Variants in RBM20 observed in about 807,000 individuals in gnomAD.
RBM20 encodes RNA-binding protein 20.
RBM20 carries 51 observed loss-of-function variants against 110.1 expected under a neutral mutation model. That is an observed-to-expected ratio of 0.46 (90% CI 0.37 to 0.59). The LOEUF (loss-of-function observed/expected upper bound fraction) is 0.59. Ranked by LOEUF, RBM20 falls within the 20% of genes least tolerant of loss-of-function variation. RBM20 has a pLI of 0.00. For synonymous variants in RBM20, 589 were observed against 618.2 expected (o/e 0.95, Z 0.70); for missense variants, 1,512 against 1,574.9 (o/e 0.96, Z 0.68).
intron 1 of RBM20, among the ~76,000 whole-genome samples, chr10:110,727,399 C>CAAAA (rs373594637): frequency 1.2e-5 from 1 of 83,240 alleles, no homozygotes; most frequent in African/African-American, 4.4e-5. Context: ...AAGTCCGTCT[C>CAAAA]AAAAAATAAA....
intron 1 of RBM20, among the ~76,000 whole-genome samples, chr10:110,749,631 C>T (rs902147332): frequency 2.6e-5 from 4 of 152,018 alleles, no homozygotes; most frequent in Non-Finnish European, 5.9e-5. Context: ...GGTACATCCA[C>T]AGGTCTGATA....
Position 110,821,828 on chromosome 10 carries a change from G to T in RBM20, c.3209G>T (p.Gly1070Val). 6.4e-7 allele frequency: 1 copy of T among 1,551,722 alleles called. No individual in the cohort carries two copies. The highest frequency in any genetic ancestry group is 8.7e-7 in the Non-Finnish European group (1 of 1,146,986). The change falls in exon 11 of 14, where the codon GGG becomes GTG. Residue 1070 changes from glycine to valine, a missense_variant. Physicochemically the swap from Gly to Val is moderately radical, Grantham distance 109 (BLOSUM62 -3). Transcript: ENST00000369519. ...TTTGTGGATGATTGCAAGACCAGGG[G>T]GACCCCCGAAGATGGGGCTTGTGAA... ...SPFVDDCKTRGTPEDGACEGS... is the reference protein window; with the variant it reads ...SPFVDDCKTRVTPEDGACEGS...
At chr10:110,693,375 G>A (rs1441509412) in intron 1 of RBM20, among the ~76,000 whole-genome samples, 1 of 152,190 alleles carries the variant, frequency 6.6e-6, no homozygotes, top group East Asian at 1.9e-4. Context: ...ATTTACCAGT[G>A]AAGCTATCTG....
intron 1 of RBM20, among the ~76,000 whole-genome samples, chr10:110,742,010 G>C (rs1445959824): frequency 1.3e-5 from 2 of 152,170 alleles, no homozygotes; most frequent in Admixed American, 6.5e-5. Context: ...AAATGTAGTG[G>C]ACTGAAAGTT....
At chr10:110,678,308 C>T (rs1007667736) in intron 1 of RBM20, among the ~76,000 whole-genome samples, 6 of 152,166 alleles carry the variant, frequency 3.9e-5, no homozygotes, top group Non-Finnish European at 7.4e-5. Context: ...AAATACATTA[C>T]TTTGCCATTA....
chr10:110,716,946 A>G (rs984607949), intron 1 of RBM20, among the ~76,000 whole-genome samples: 1 of 151,914 alleles, frequency 6.6e-6, no homozygotes, highest in Non-Finnish European at 1.5e-5. Flanking sequence ...GATTTAAAAC[A>G]TGGAAAATTT....
rs183784110 is a variant in RBM20, at chr10:110,699,528, A to G, written c.191+54883A>G. On this transcript the variant is annotated intron_variant, in intron 1 of 13. Transcript: ENST00000369519. ...CTCAGATGATCTGCCTACCTCAGCC[A>G]CAAAAAGTGCTGAGATTACAGGTGT... is the stretch of plus-strand genomic sequence containing the variant. Among the ~76,000 whole-genome samples, 709 of 152,052 alleles carry G rather than the reference A, an allele frequency of 4.7e-3. 8 individuals carry two copies. The highest frequency in any genetic ancestry group is 6.8e-3 in the South Asian group (33 of 4,826).
chr10:110,747,140 C>T (rs61864289), intron 1 of RBM20, among the ~76,000 whole-genome samples: 2 of 152,044 alleles, frequency 1.3e-5, no homozygotes, highest in African/African-American at 4.8e-5. Context: ...CCTTTCTGTA[C>T]TATTTTTGCA....
At chr10:110,676,440 GA>G (rs551351415) in intron 1 of RBM20, among the ~76,000 whole-genome samples, 1 of 152,054 alleles carries the variant, frequency 6.6e-6, no homozygotes, top group South Asian at 2.1e-4. Flanking sequence ...TGCATAAAAG[GA>G]AAAAAACAGT....
chr10:110,666,146 T>C (rs941583023), intron 1 of RBM20, among the ~76,000 whole-genome samples: 4 of 152,140 alleles, frequency 2.6e-5, no homozygotes, highest in African/African-American at 9.7e-5. Flanking sequence ...ATAAACAAGA[T>C]TGGCCATAGA....
intron 1 of RBM20, among the ~76,000 whole-genome samples, chr10:110,701,089 C>T (rs564422719): frequency 3.9e-5 from 6 of 152,248 alleles, no homozygotes; most frequent in African/African-American, 1.4e-4. Flanking sequence ...GGGAAATTTT[C>T]AGACTCATTG....
chr10:110,811,627 G>A (rs983597247), intron 8 of RBM20, among the ~76,000 whole-genome samples: 3 of 152,276 alleles, frequency 2.0e-5, no homozygotes, highest in East Asian at 1.9e-4. Context: ...CATCTCAGAC[G>A]TGTAGATCAG....
At position 110,644,451 on chromosome 10, in the gene RBM20, C is replaced by A; in HGVS notation, c.-4C>A. 6.7e-7 allele frequency: 1 copy of A among 1,485,270 alleles called. No individual in the cohort carries two copies. The allele number at this position is 1,485,270 out of a possible 1,614,324, so 92.0% of individuals were successfully genotyped here. ...GCCGCGATCCCGGGCGGGTCTCGCC[C>A]CGCATGGTGCTGGCAGCAGCCATGA... On this transcript the variant is annotated 5_prime_UTR_variant, in exon 1 of 14. Transcript: ENST00000369519. The surrounding 1 kb of genome is among the most constrained non-coding windows in gnomAD (Gnocchi z 4.3).
chr10:110,806,511 G>A (rs1264850478), intron 7 of RBM20, among the ~76,000 whole-genome samples: 2 of 152,160 alleles, frequency 1.3e-5, no homozygotes, highest in Non-Finnish European at 2.9e-5. Context: ...TGTCACGAGA[G>A]TAGTACTGGG....
intron 1 of RBM20, among the ~76,000 whole-genome samples, chr10:110,697,174 T>G (rs1862677463): frequency 1.3e-5 from 2 of 152,204 alleles, no homozygotes; most frequent in African/African-American, 4.8e-5. Context: ...GTTGGGGGAT[T>G]TCACACAACA....
chr10:110,821,793 G>T lies in RBM20; in HGVS notation c.3174G>T (p.Gln1058His). 2 of 1,551,776 alleles carry T rather than the reference G, an allele frequency of 1.3e-6. No homozygotes were observed. The highest frequency in any genetic ancestry group is 1.7e-6 in the Non-Finnish European group (2 of 1,147,006). Reference sequence around the variant, plus strand: ...AGCCAGCAGAGGAGAGGGCCCGGCAGCCAAGCCCATTTGTGGATGATTGCA... The same window carrying T: ...AGCCAGCAGAGGAGAGGGCCCGGCATCCAAGCCCATTTGTGGATGATTGCA... ...SPKPAEERAR[Q>H]PSPFVDDCKT... Residue 1058 changes from glutamine (Q) to histidine (H), a missense_variant, in exon 11 of 14, where the codon CAG becomes CAT. By Grantham distance (24) the Gln-to-His change is conservative. Coordinates refer to ENST00000369519, the MANE Select transcript of RBM20 (RefSeq NM_001134363.3).
intron 11 of RBM20, chr10:110,822,468 C>A: frequency 2.2e-6 from 1 of 456,922 alleles, no homozygotes; most frequent in South Asian, 1.5e-5. Context: ...GATATTCTCT[C>A]ACTCCATTGG....
intron 1 of RBM20, among the ~76,000 whole-genome samples, chr10:110,736,857 G>T (rs1644673215): frequency 6.6e-6 from 1 of 152,128 alleles, no homozygotes; most frequent in Non-Finnish European, 1.5e-5. Context: ...AGTCATGAAG[G>T]CATGAGTGGG....
Position 110,772,508 on chromosome 10 carries a change from C to T in RBM20, c.192-8293C>T, listed in dbSNP as rs191441604. Among the ~76,000 whole-genome samples, 610 of 152,310 alleles carry T rather than the reference C, an allele frequency of 4.0e-3. 5 individuals are homozygous for T. Among genetic ancestry groups the T allele is most frequent in the African/African-American group, 0.014 (580 of 41,560 alleles). ...TTTACTGTACTTGTCTAGGTTTAAA[C>T]ATATTTAGATATGCACAAATACTCA... On this transcript the variant is annotated intron_variant, in intron 1 of 13. Coordinates refer to ENST00000369519, the MANE Select transcript of RBM20 (RefSeq NM_001134363.3).
Sources: allele counts gnomAD v4.1 joint callset (sites outside exome capture counted in the v4.1 genomes callset), GRCh38; gene constraint gnomAD v4.1.1; non-coding constraint Gnocchi (gnomAD v3.1); transcripts MANE v1.5; gene names NCBI Gene and HGNC (gene_info 2026-07-23, HGNC 2026-07-21).